BICD1: variants seen among roughly 807,000 people sequenced by gnomAD.
BICD1 encodes the protein protein bicaudal D homolog 1.
A neutral mutation model predicts 92.5 loss-of-function variants in BICD1; 35 were observed. The ratio of observed to expected loss-of-function variants is 0.38; its 90% CI spans 0.29 to 0.50. The LOEUF (loss-of-function observed/expected upper bound fraction) is 0.50. Among genes scored for constraint, BICD1 ranks in the 20% least tolerant of loss-of-function variants. BICD1 has a pLI of 0.93. For missense variants in BICD1, 950 were observed against 1,189.8 expected (o/e 0.80, Z 2.97); for synonymous variants, 429 against 465.1 (o/e 0.92, Z 1.00).
At position 32,173,297 on chromosome 12, in the gene BICD1, G is replaced by A. The variant is rs998919309; in HGVS notation, c.214-42950G>A. Among the ~76,000 whole-genome samples, 3 of 152,164 alleles carry A rather than the reference G, an allele frequency of 2.0e-5. No homozygotes were observed. In the East Asian group the frequency reaches 5.8e-4, roughly 30 times the overall value. ...ACTCCCGAGCTCAGGCAATCCGCCC[G>A]CCTCGGCCTCCCAAAGTGCCGGGAT... is the stretch of plus-strand genomic sequence containing the variant. On this transcript the variant is annotated intron_variant, in intron 1 of 9. Transcript: ENST00000652176.
intron 2 of BICD1, among the ~76,000 whole-genome samples, chr12:32,280,794 A>G (rs1402574580): frequency 6.6e-6 from 1 of 152,230 alleles, no homozygotes; most frequent in Admixed American, 6.5e-5. Context: ...ACAGCCGTCC[A>G]GCCCTATGCT....
intron 8 of BICD1, among the ~76,000 whole-genome samples, chr12:32,350,352 G>A (rs1452404262): frequency 1.3e-5 from 2 of 152,050 alleles, no homozygotes; most frequent in Non-Finnish European, 2.9e-5. Flanking sequence ...GCATGATGGT[G>A]TGTGCCTGTA....
At chr12:32,273,876 C>G (rs367576041) in intron 2 of BICD1, among the ~76,000 whole-genome samples, 31 of 152,312 alleles carry the variant, frequency 2.0e-4, no homozygotes, top group Admixed American at 1.7e-3. Context: ...AACAGGCCCT[C>G]CACCTCACAG....
rs755896932 is a variant in BICD1, at chr12:32,305,939, G to C, written c.822G>C (p.Glu274Asp). 3.1e-6 allele frequency: 5 copies of C among 1,614,182 alleles called. No individual in the cohort carries two copies. Among genetic ancestry groups the C allele is most frequent in the Non-Finnish European group, 4.2e-6 (5 of 1,180,046 alleles). Residue 274 changes from glutamate (E) to aspartate (D), a missense_variant, in exon 4 of 10, where the codon GAG (glutamate) becomes GAC (aspartate). Transcript: ENST00000652176. Reference protein sequence around the residue: ...SISVDGLKFAEDGSEPNNDDK... With the variant: ...SISVDGLKFADDGSEPNNDDK... ...CAGTAGATGGACTCAAATTTGCCGA[G>C]GATGGGAGTGAACCAAACAATGATG... is the stretch of plus-strand genomic sequence containing the variant.
At chr12:32,261,201 G>A (rs77304347) in intron 2 of BICD1, among the ~76,000 whole-genome samples, 7,128 of 151,868 alleles carry the variant, frequency 0.047, 286 homozygotes, top group East Asian at 0.2. Flanking sequence ...GATGACCCAT[G>A]TGCCAGACCC....
At chr12:32,206,076 G>T (rs996401042) in intron 1 of BICD1, among the ~76,000 whole-genome samples, 2 of 152,160 alleles carry the variant, frequency 1.3e-5, no homozygotes, top group African/African-American at 2.4e-5. Context: ...CCATTGTATG[G>T]ATATGCCACA....
intron 2 of BICD1, among the ~76,000 whole-genome samples, chr12:32,253,589 A>T (rs564974859): frequency 5.3e-5 from 8 of 152,306 alleles, no homozygotes; most frequent in Non-Finnish European, 1.0e-4. Context: ...ATTAATGCTT[A>T]TTCATCACAA....
In BICD1 at chr12:32,265,718, TA is replaced by T. The variant is rs35399036; in HGVS notation, c.427-28261del. Among the ~76,000 whole-genome samples the T allele has an allele frequency of 4.1e-3, 579 of 140,820 alleles. 2 individuals are homozygous for T. Among genetic ancestry groups the T allele is most frequent in the Non-Finnish European group, 5.8e-3 (376 of 65,298 alleles). The allele number at this position is 140,820 out of a possible 152,430, so 92.4% of individuals were successfully genotyped here. A position where few individuals can be genotyped will look rare whatever the true frequency, so the allele number is the denominator to read the frequency against. ...CTAGGTGACACAGCGAGATCCTATT[TA>T]AAAAAAAAAAAAAAGACAAAAAGAA... On this transcript the variant is annotated intron_variant, in intron 2 of 9. Coordinates refer to ENST00000652176, the MANE Select transcript of BICD1 (RefSeq NM_001714.4).
At chr12:32,147,066 G>A (rs1164503728) in intron 1 of BICD1, among the ~76,000 whole-genome samples, 5 of 151,878 alleles carry the variant, frequency 3.3e-5, no homozygotes, top group South Asian at 4.2e-4. Flanking sequence ...TTAGCCTCCC[G>A]AGGAGCTAAG....
Position 32,381,150 on chromosome 12 carries a change from G to C in BICD1, c.*3523G>C, listed in dbSNP as rs1467999410. The C allele has an allele frequency of 6.6e-6, 1 of 151,966 alleles. No homozygotes were observed. Among genetic ancestry groups the C allele is most frequent in the Non-Finnish European group, 1.5e-5 (1 of 67,952 alleles). 9.4% of individuals were successfully genotyped at this position (151,966 alleles called of 1,614,324 possible). On this transcript the variant is annotated 3_prime_UTR_variant, in exon 10 of 10. Coordinates refer to ENST00000652176, the MANE Select transcript of BICD1 (RefSeq NM_001714.4). Reference sequence around the variant, plus strand: ...ATAAAATATTTTATATTTGAAAATAGGATGGCAATCTTTATTTTTCCAAGA... The same window carrying C: ...ATAAAATATTTTATATTTGAAAATACGATGGCAATCTTTATTTTTCCAAGA...
chr12:32,360,114 G>C (rs1166097829), intron 8 of BICD1, among the ~76,000 whole-genome samples: 1 of 151,694 alleles, frequency 6.6e-6, no homozygotes, highest in Non-Finnish European at 1.5e-5. Context: ...GAACCCAGGA[G>C]GGGGAGCTTG....
chr12:32,317,794 T>C (rs1403080765), intron 4 of BICD1, among the ~76,000 whole-genome samples: 1 of 152,172 alleles, frequency 6.6e-6, no homozygotes, highest in East Asian at 1.9e-4. Context: ...CCCGTGCCTA[T>C]GTCCTGAATG....
intron 4 of BICD1, among the ~76,000 whole-genome samples, chr12:32,309,653 G>A (rs1278929227): frequency 6.6e-6 from 1 of 152,120 alleles, no homozygotes; most frequent in Non-Finnish European, 1.5e-5. Flanking sequence ...ACTTGATTTC[G>A]AGCTTTTTGG....
At chr12:32,323,504 G>A (rs1948705522) in intron 4 of BICD1, among the ~76,000 whole-genome samples, 1 of 152,130 alleles carries the variant, frequency 6.6e-6, no homozygotes, top group African/African-American at 2.4e-5. Context: ...GTAAATGTTG[G>A]TCCCGAGATT....
chr12:32,187,044 A>T (rs146565820), intron 1 of BICD1, among the ~76,000 whole-genome samples: 1 of 152,144 alleles, frequency 6.6e-6, no homozygotes, highest in Non-Finnish European at 1.5e-5. Flanking sequence ...TGGTGAGTTT[A>T]TGGGCTTAGA....
chr12:32,359,497 C>T lies in BICD1; in HGVS notation c.2765-8173C>T, dbSNP rs139200006. Among the ~76,000 whole-genome samples, 5 of 151,796 alleles carry T rather than the reference C, an allele frequency of 3.3e-5. No individual in the cohort carries two copies. The East Asian group carries it at 9.7e-4, about 30-fold the overall frequency. ...CTTCCTCTTATAGAGCCACCAATTT[C>T]ACTCCCATCATAACCCATGAATCCA... On this transcript the variant is annotated intron_variant, in intron 8 of 9. Coordinates refer to ENST00000652176, the MANE Select transcript of BICD1 (RefSeq NM_001714.4).
intron 1 of BICD1, among the ~76,000 whole-genome samples, chr12:32,142,614 T>G (rs1040824137): frequency 6.6e-6 from 1 of 152,196 alleles, no homozygotes; most frequent in African/African-American, 2.4e-5. Context: ...TCGCTTCACA[T>G]CTGACTCTTG....
At chr12:32,366,272 G>A (rs113726585) in intron 8 of BICD1, among the ~76,000 whole-genome samples, 5 of 152,220 alleles carry the variant, frequency 3.3e-5, no homozygotes, top group Admixed American at 6.5e-5. Context: ...GTAGAGCCTC[G>A]TTAAGGCTAT....
intron 1 of BICD1, 54 bp downstream of exon 1, chr12:32,107,598 G>A: frequency 6.6e-7 from 1 of 1,513,214 alleles, no homozygotes; most frequent in Non-Finnish European, 8.9e-7. Flanking sequence ...CCACCCGCAA[G>A]GCCCACTCAT....
Sources: gnomAD v4.1 joint callset for allele counts (sites outside exome capture counted in the v4.1 genomes callset) on GRCh38, gnomAD v4.1.1 for gene constraint, MANE v1.5 for transcripts, NCBI Gene and HGNC (gene_info 2026-07-23, HGNC 2026-07-21) for gene names.